SLC68A1: variants seen among roughly 807,000 people sequenced by gnomAD.
The protein encoded by SLC68A1 is solute carrier family 68 member 1.
At chr10:102,475,957 C>G in the SLC68A1 span, 4 of 1,611,408 alleles carry the variant, frequency 2.5e-6, no homozygotes, top group Non-Finnish European at 3.4e-6. Context: ...TGTCACAGGC[C>G]CAAACCCTGG....
chr10:102,472,479 G>T, the SLC68A1 span, among the ~76,000 whole-genome samples: 1 of 152,116 alleles, frequency 6.6e-6, no homozygotes, highest in African/African-American at 2.4e-5. Flanking sequence ...GGCCATGCTG[G>T]TCTCAAACTC....
the SLC68A1 span, among the ~76,000 whole-genome samples, chr10:102,466,536 G>A: frequency 2.6e-3 from 395 of 151,472 alleles, 1 homozygote; most frequent in Non-Finnish European, 4.2e-3. Flanking sequence ...TATAGATGAG[G>A]AAACTCCGGC....
chr10:102,465,020 C>T, the SLC68A1 span, among the ~76,000 whole-genome samples: 3 of 151,310 alleles, frequency 2.0e-5, no homozygotes, highest in Admixed American at 6.6e-5. Context: ...TTTGGGAGGC[C>T]GAGGCAGGCG....
chr10:102,473,026 C>A, the SLC68A1 span: 1 of 1,187,992 alleles, frequency 8.4e-7, no homozygotes, highest in Non-Finnish European at 1.3e-6. Context: ...TGGGGTTTCA[C>A]CGTATTAGCC....
chr10:102,467,351 A>G, the SLC68A1 span, among the ~76,000 whole-genome samples: 1 of 152,062 alleles, frequency 6.6e-6, no homozygotes, highest in Non-Finnish European at 1.5e-5. Context: ...TGTCTTTTTA[A>G]CATACGTTAC....
the SLC68A1 span, among the ~76,000 whole-genome samples, chr10:102,474,791 C>A: frequency 6.6e-6 from 1 of 152,114 alleles, no homozygotes; most frequent in South Asian, 2.1e-4. Context: ...GGACCACAGG[C>A]GTATGCCACC....
the SLC68A1 span, chr10:102,473,495 G>T: frequency 1.4e-6 from 2 of 1,439,826 alleles, no homozygotes; most frequent in South Asian, 1.3e-5. Flanking sequence ...GAATGCAGTC[G>T]GCTGTGAAGC....
the SLC68A1 span, chr10:102,473,798 T>C: frequency 6.2e-7 from 1 of 1,606,986 alleles, no homozygotes; most frequent in Non-Finnish European, 8.5e-7. Flanking sequence ...CATTCCTGCC[T>C]GCTCTCTCCC....
chr10:102,467,720 A>T, the SLC68A1 span, among the ~76,000 whole-genome samples: 1 of 151,894 alleles, frequency 6.6e-6, no homozygotes, highest in East Asian at 1.9e-4. Context: ...GCGTTGGCGC[A>T]ATCTTGGCTC....
chr10:102,470,680 C>A, the SLC68A1 span: 1 of 1,609,444 alleles, frequency 6.2e-7, no homozygotes, highest in East Asian at 2.2e-5. Context: ...GCGCCGGGCT[C>A]TCCTCAAGGG....
At chr10:102,473,199 AG>A in the SLC68A1 span, among the ~76,000 whole-genome samples, 1 of 151,554 alleles carries the variant, frequency 6.6e-6, no homozygotes, top group South Asian at 2.1e-4. Context: ...GTGGGTGTTG[AG>A]GGGGGCGGAG....
At chr10:102,464,986 G>A in the SLC68A1 span, among the ~76,000 whole-genome samples, 1 of 151,986 alleles carries the variant, frequency 6.6e-6, no homozygotes. Context: ...CGGGTGTGGA[G>A]GCTCATGGCT....
chr10:102,476,052 G>GTTTTTTTT, the SLC68A1 span: 1 of 669,188 alleles, frequency 1.5e-6, no homozygotes. Flanking sequence ...GTTTTTTTTG[G>GTTTTTTTT]TTTTTTTTTT....
At chr10:102,476,514 T>A in the SLC68A1 span, 5 of 985,930 alleles carry the variant, frequency 5.1e-6, no homozygotes, top group Non-Finnish European at 6.0e-6. Flanking sequence ...CAGGAGCTAG[T>A]TTTACCAGCA....
At chr10:102,467,050 C>A in the SLC68A1 span, among the ~76,000 whole-genome samples, 4 of 152,150 alleles carry the variant, frequency 2.6e-5, no homozygotes, top group African/African-American at 9.7e-5. Context: ...GTATTTATTT[C>A]TTTTTGAGGT....
chr10:102,464,789 CAA>C, the SLC68A1 span, among the ~76,000 whole-genome samples: 3 of 120,650 alleles, frequency 2.5e-5, no homozygotes, highest in Non-Finnish European at 5.0e-5. Context: ...GACTCTGTCT[CAA>C]AAAAAAAAAA....
At chr10:102,469,084 T>C in the SLC68A1 span, 3 of 1,614,146 alleles carry the variant, frequency 1.9e-6, no homozygotes, top group South Asian at 3.3e-5. Flanking sequence ...AGCTGTGGTC[T>C]ATGGCTCCCT....
chr10:102,477,030 C>A, the SLC68A1 span: 1 of 985,528 alleles, frequency 1.0e-6, no homozygotes, highest in Non-Finnish European at 1.2e-6. Flanking sequence ...TAAAGTCAGC[C>A]ATTCTTTTTC....
At chr10:102,476,054 T>C in the SLC68A1 span, 4 of 1,330,766 alleles carry the variant, frequency 3.0e-6, no homozygotes, top group Non-Finnish European at 3.9e-6. Flanking sequence ...TTTTTTTGGT[T>C]TTTTTTTTAA....
Sources: gnomAD v4.1 joint callset for allele counts (sites outside exome capture counted in the v4.1 genomes callset) on GRCh38, gnomAD v4.1.1 for gene constraint, MANE v1.5 for transcripts, NCBI Gene and HGNC (gene_info 2026-07-23, HGNC 2026-07-21) for gene names.